KIZ: variants seen among roughly 807,000 people sequenced by gnomAD.
KIZ encodes centrosomal protein kizuna.
Under a neutral mutation model 79.6 loss-of-function variants are expected in KIZ, and 68 were observed. That is an observed-to-expected ratio of 0.85 (90% CI 0.70 to 1.05). The LOEUF is 1.05. KIZ is among the 50% of genes least tolerant of loss of function. The pLI is 0.00. For missense variants in KIZ, 797 were observed against 800.4 expected (o/e 1.00, Z 0.05); for synonymous variants, 280 against 281.8 (o/e 0.99, Z 0.06).
Position 21,162,711 on chromosome 20 carries a change from G to A in KIZ, c.1043-139G>A, listed in dbSNP as rs993767125. The A allele has an allele frequency of 1.1e-5, 9 of 844,362 alleles. No homozygotes were observed. In the East Asian group the frequency reaches 2.4e-4, roughly 22 times the overall value. 52.3% of individuals were successfully genotyped at this position (844,362 alleles called of 1,614,324 possible). A position where few individuals can be genotyped will look rare whatever the true frequency, so the allele number is the denominator to read the frequency against. ...GATTTTTTTAAACATTTGAAAACGT[G>A]TTTAAGCTTTTAAGTTCCGTAATGA... On this transcript the variant is annotated intron_variant, in intron 5 of 12. Coordinates refer to ENST00000619189, the MANE Select transcript of KIZ (RefSeq NM_018474.6).
At chr20:21,169,532 G>C (rs972213302) in intron 6 of KIZ, among the ~76,000 whole-genome samples, 1 of 152,108 alleles carries the variant, frequency 6.6e-6, no homozygotes, top group Non-Finnish European at 1.5e-5. Flanking sequence ...GATTCCTCAG[G>C]GATCTAGAAC....
At chr20:21,182,232 C>T (rs1490222965) in intron 6 of KIZ, among the ~76,000 whole-genome samples, 4 of 152,140 alleles carry the variant, frequency 2.6e-5, no homozygotes, top group African/African-American at 9.7e-5. Context: ...CACAAGAGAG[C>T]TCTGTCTCGC....
intron 6 of KIZ, 68 bp from the exon 7 acceptor site, chr20:21,205,423 G>A: frequency 3.1e-6 from 2 of 644,892 alleles, no homozygotes; most frequent in Non-Finnish European, 5.4e-6. Context: ...CGTAATTGAG[G>A]CCTTTAAAAA....
At chr20:21,139,892 C>G (rs1287507868) in intron 3 of KIZ, among the ~76,000 whole-genome samples, 1 of 152,086 alleles carries the variant, frequency 6.6e-6, no homozygotes, top group African/African-American at 2.4e-5. Context: ...TAAAAAAATT[C>G]TTCTAGTAGC....
intron 6 of KIZ, chr20:21,198,538 C>T (rs1339504959): frequency 6.6e-6 from 1 of 152,224 alleles, no homozygotes. Context: ...GTGCTGTTCT[C>T]CTCACCTGTC....
At chr20:21,207,569 T>TC (rs1201705400) in intron 7 of KIZ, among the ~76,000 whole-genome samples, 1 of 144,028 alleles carries the variant, frequency 6.9e-6, no homozygotes, top group East Asian at 2.1e-4. Flanking sequence ...CTTCCTTCCC[T>TC]CCCCCCTTTC....
chr20:21,129,460 C>T (rs895384101), intron 1 of KIZ, among the ~76,000 whole-genome samples: 1 of 151,998 alleles, frequency 6.6e-6, no homozygotes, highest in Non-Finnish European at 1.5e-5. Flanking sequence ...AGTGGCTGGG[C>T]GTGGTGGCTC....
intron 6 of KIZ, among the ~76,000 whole-genome samples, chr20:21,173,574 T>G (rs2034309696): frequency 1.2e-5 from 1 of 82,776 alleles, no homozygotes; most frequent in African/African-American, 4.7e-5. Context: ...GGAGATGCCG[T>G]CTCAAAAAAA....
At chr20:21,232,505 CTT>C (rs1286886407) in intron 10 of KIZ, among the ~76,000 whole-genome samples, 1 of 152,120 alleles carries the variant, frequency 6.6e-6, no homozygotes, top group African/African-American at 2.4e-5. Flanking sequence ...TCAGTTTTCA[CTT>C]TTTGTGGCTT....
chr20:21,226,147 C>G (rs1045754683), intron 9 of KIZ: 2 of 152,298 alleles, frequency 1.3e-5, no homozygotes, highest in Admixed American at 1.3e-4. Flanking sequence ...AGGCAGAAGT[C>G]TGGCAAGACC....
chr20:21,244,573 C>T, intron 12 of KIZ: 1 of 424,302 alleles, frequency 2.4e-6, no homozygotes, highest in Non-Finnish European at 4.2e-6. Context: ...TATCAGCACC[C>T]TGTATTTTAC....
At chr20:21,237,539 C>G (rs1455251133) in intron 11 of KIZ, among the ~76,000 whole-genome samples, 2 of 152,112 alleles carry the variant, frequency 1.3e-5, no homozygotes, top group Admixed American at 1.3e-4. Context: ...GCCAGCTCCC[C>G]TTGTCCCCCT....
At chr20:21,141,098 C>A (rs6035788) in intron 3 of KIZ, among the ~76,000 whole-genome samples, 2 of 151,998 alleles carry the variant, frequency 1.3e-5, no homozygotes, top group South Asian at 2.1e-4. Context: ...CCTCCTCTCC[C>A]TCATTCTGCC....
chr20:21,137,182 C>T lies in KIZ; in HGVS notation c.315+630C>T, dbSNP rs964344980. On this transcript the variant is annotated intron_variant, in intron 3 of 12. Coordinates refer to ENST00000619189, the MANE Select transcript of KIZ (RefSeq NM_018474.6). ...AGAGTAGTAAGGGTAGAACTGTCCC[C>T]GAGGAGTTTGCCTTTATGCTCCTGG... is the stretch of plus-strand genomic sequence containing the variant. Among the ~76,000 whole-genome samples, 7 of 152,192 alleles carry T rather than the reference C, an allele frequency of 4.6e-5. No individual in the cohort carries two copies. In the South Asian group the frequency reaches 6.2e-4, roughly 13 times the overall value.
intron 3 of KIZ, among the ~76,000 whole-genome samples, chr20:21,141,302 G>T (rs778196813): frequency 3.9e-5 from 6 of 152,134 alleles, no homozygotes; most frequent in African/African-American, 9.7e-5. Context: ...GGGAAGGGAG[G>T]CAGGGAGGGC....
At chr20:21,167,671 C>T (rs1448319611) in intron 6 of KIZ, among the ~76,000 whole-genome samples, 1 of 148,036 alleles carries the variant, frequency 6.8e-6, no homozygotes, top group African/African-American at 2.5e-5. Context: ...AAGCTAGTCT[C>T]ATGCCTCAGT....
chr20:21,214,522 T>G lies in KIZ; in HGVS notation c.1447-13T>G, dbSNP rs2036205713. Reference sequence around the variant, plus strand: ...TGTTTTTATTTCTTTGTGCTTTTTTTGAAACACTGTAGGCAACAGCATTAT... The same window carrying G: ...TGTTTTTATTTCTTTGTGCTTTTTTGGAAACACTGTAGGCAACAGCATTAT... On this transcript the variant is annotated splice_polypyrimidine_tract_variant and intron_variant, in intron 7 of 12. Transcript: ENST00000619189. The G allele has an allele frequency of 1.3e-6, 2 of 1,586,766 alleles. No homozygotes were observed. Among genetic ancestry groups the G allele is most frequent in the Non-Finnish European group, 1.7e-6 (2 of 1,161,340 alleles).
At chr20:21,197,489 G>A (rs1450369360) in intron 6 of KIZ, 1 of 152,186 alleles carries the variant, frequency 6.6e-6, no homozygotes, top group African/African-American at 2.4e-5. Flanking sequence ...ACTTTGTTAT[G>A]ATTGACAATA....
At chr20:21,166,354 G>T in intron 6 of KIZ, 1 of 1,604,202 alleles carries the variant, frequency 6.2e-7, no homozygotes, top group South Asian at 1.1e-5. Context: ...TCTTTGAGTT[G>T]CACGTCAAAT....
Sources: gnomAD v4.1 joint callset for allele counts (sites outside exome capture counted in the v4.1 genomes callset) on GRCh38, gnomAD v4.1.1 for gene constraint, MANE v1.5 for transcripts, NCBI Gene and HGNC (gene_info 2026-07-23, HGNC 2026-07-21) for gene names.